The following RAC1 variants were observed in gnomAD, a reference collection of about 807,000 sequenced individuals.
RAC1 encodes the protein ras-related C3 botulinum toxin substrate 1.
RAC1 carries 2 observed loss-of-function variants against 25.2 expected under a neutral mutation model. That is an observed-to-expected ratio of 0.08 (90% CI 0.03 to 0.25). The LOEUF (loss-of-function observed/expected upper bound fraction) is 0.25, where lower values mean the gene tolerates loss of function less well. RAC1 is among the 10% of genes least tolerant of loss of function. The probability of loss-of-function intolerance (pLI) is 1.00; values close to 1 mark genes in which losing one functional copy is unlikely to be tolerated. For synonymous variants in RAC1, 88 were observed against 94.0 expected (o/e 0.94, Z 0.37); for missense variants, 50 against 235.7 (o/e 0.21, Z 5.16).
At chr7:6,390,321 C>T (rs771592626) in intron 2 of RAC1, among the ~76,000 whole-genome samples, 9 of 151,624 alleles carry the variant, frequency 5.9e-5, no homozygotes, top group Non-Finnish European at 8.8e-5. Flanking sequence ...TACCACCTTA[C>T]CCGGGCACGG....
At chr7:6,397,537 C>A (rs1390502934) in intron 3 of RAC1, among the ~76,000 whole-genome samples, 2 of 152,136 alleles carry the variant, frequency 1.3e-5, no homozygotes, top group Non-Finnish European at 2.9e-5. Context: ...TCGTGATCCA[C>A]CTGCCTCGGC....
At chr7:6,393,977 T>G (rs1399248499) in intron 3 of RAC1, among the ~76,000 whole-genome samples, 2 of 152,198 alleles carry the variant, frequency 1.3e-5, no homozygotes, top group Non-Finnish European at 2.9e-5. Flanking sequence ...GATCTGGTAG[T>G]AACATGCTGG....
intron 1 of RAC1, among the ~76,000 whole-genome samples, chr7:6,382,766 G>A (rs190648533): frequency 8.5e-5 from 13 of 152,332 alleles, no homozygotes; most frequent in Admixed American, 8.5e-4. Context: ...CCAGCTACTT[G>A]GGAGGCTGAG....
At position 6,377,681 on chromosome 7, in the gene RAC1, G is replaced by A. The variant is rs537493175; in HGVS notation, c.35+2911G>A. 6.6e-4 allele frequency among the ~76,000 whole-genome samples: 100 copies of A among 152,266 alleles called. 1 individual carries two copies. Among genetic ancestry groups the A allele is most frequent in the African/African-American group, 2.2e-3 (91 of 41,554 alleles). On this transcript the variant is annotated intron_variant, in intron 1 of 5. Coordinates refer to ENST00000348035, the MANE Select transcript of RAC1 (RefSeq NM_006908.5). ...TGTAATCCCAGCACTTTGGGAGGCC[G>A]AGGTGGGCGGTTCACCTGAGGTCAG...
chr7:6,381,804 A>T (rs1261763887), intron 1 of RAC1, among the ~76,000 whole-genome samples: 2 of 152,026 alleles, frequency 1.3e-5, no homozygotes, highest in African/African-American at 2.4e-5. Flanking sequence ...CTAGTGGTGT[A>T]TTTTTCTGGA....
intron 2 of RAC1, among the ~76,000 whole-genome samples, chr7:6,390,219 C>T (rs1283241597): frequency 6.7e-6 from 1 of 148,674 alleles, no homozygotes; most frequent in African/African-American, 2.5e-5. Context: ...CCTGATGGAA[C>T]GTTTTGTAAA....
chr7:6,389,478 G>A (rs1201839899), intron 2 of RAC1, among the ~76,000 whole-genome samples: 5 of 151,880 alleles, frequency 3.3e-5, no homozygotes, highest in Admixed American at 3.3e-4. Context: ...TAAGGAGTTT[G>A]AGACCAACTT....
intron 3 of RAC1, among the ~76,000 whole-genome samples, chr7:6,392,743 A>T (rs1156582183): frequency 6.6e-6 from 1 of 152,166 alleles, no homozygotes; most frequent in African/African-American, 2.4e-5. Flanking sequence ...ATCTTGTTAC[A>T]TGTTTGTTCT....
chr7:6,388,958 T>A (rs879802565), intron 2 of RAC1, among the ~76,000 whole-genome samples: 5 of 150,608 alleles, frequency 3.3e-5, no homozygotes, highest in Non-Finnish European at 5.9e-5. Context: ...CCCAGCACTT[T>A]GGGAGGCCAA....
intron 1 of RAC1, among the ~76,000 whole-genome samples, chr7:6,379,249 C>G (rs1471601245): frequency 1.3e-5 from 2 of 149,700 alleles, no homozygotes; most frequent in African/African-American, 4.9e-5. Context: ...CTACACGTGC[C>G]TGCTACCATG....
rs758838242 is a variant in RAC1 at position 6,384,488 on chromosome 7, T to G, written c.36-2724T>G. On this transcript the variant is annotated intron_variant, in intron 1 of 5. Transcript: ENST00000348035. ...CCCTATGCCACTGCCCACTTATTTT[T>G]TTATTGTTGAGATGGGATCGTGCTT... Among the ~76,000 whole-genome samples the G allele has an allele frequency of 4.6e-5, 7 of 152,180 alleles. 1 individual carries two copies. The highest frequency in any genetic ancestry group is 1.0e-4 in the Non-Finnish European group (7 of 68,034).
chr7:6,387,733 A>G (rs553105630), intron 2 of RAC1, among the ~76,000 whole-genome samples: 1 of 152,134 alleles, frequency 6.6e-6, no homozygotes, highest in South Asian at 2.1e-4. Flanking sequence ...CTCAAAAGAA[A>G]AAAAAAAAAG....
At chr7:6,399,616 A>G (rs887410403) in intron 3 of RAC1, among the ~76,000 whole-genome samples, 1 of 152,184 alleles carries the variant, frequency 6.6e-6, no homozygotes, top group South Asian at 2.1e-4. Context: ...TGAAGGTGCC[A>G]CTTACACACT....
At chr7:6,390,033 C>T (rs1447580505) in intron 2 of RAC1, among the ~76,000 whole-genome samples, 1 of 66,568 alleles carries the variant, frequency 1.5e-5, no homozygotes, top group Non-Finnish European at 3.4e-5. Context: ...CCTACTCCTT[C>T]CCTCCTTCCC....
At chr7:6,401,631 T>A (rs1783404450) in intron 4 of RAC1, 1 of 332,250 alleles carries the variant, frequency 3.0e-6, no homozygotes, top group Admixed American at 4.8e-5. Context: ...GAGCCCGTTC[T>A]GTCCGGTCGT....
chr7:6,392,091 C>G (rs189927515), intron 3 of RAC1, 50 bp downstream of exon 3: 3 of 1,609,486 alleles, frequency 1.9e-6, no homozygotes, highest in South Asian at 2.2e-5. Context: ...ATATAATTCT[C>G]GAGCGCTTAA....
Position 6,382,432 on chromosome 7 carries a change from GCTT to G in RAC1, c.36-4776_36-4774del, listed in dbSNP as rs1217046145. ...AGTGCAGAAAGTTGTTATTTTTTGA[GCTT>G]CTTGGATCTTTTATTTTTTTAACGT... On this transcript the variant is annotated intron_variant, in intron 1 of 5. Coordinates refer to ENST00000348035, the MANE Select transcript of RAC1 (RefSeq NM_006908.5). Among the ~76,000 whole-genome samples the G allele has an allele frequency of 2.6e-5, 4 of 152,280 alleles. No individual in the cohort carries two copies. In the South Asian group the frequency reaches 6.2e-4, roughly 24 times the overall value.
chr7:6,393,276 C>T (rs1264474900), intron 3 of RAC1, among the ~76,000 whole-genome samples: 1 of 152,202 alleles, frequency 6.6e-6, no homozygotes, highest in African/African-American at 2.4e-5. Flanking sequence ...AATTCAAATT[C>T]TTCAGTATCT....
At chr7:6,374,857 C>A (rs963600099) in intron 1 of RAC1, 87 bp downstream of exon 1, 2 of 1,005,790 alleles carry the variant, frequency 2.0e-6, no homozygotes, top group South Asian at 9.1e-5. Context: ...GGCAGGCCGG[C>A]GTCCGCCGCG....
Sources: gnomAD v4.1 joint callset for allele counts (sites outside exome capture counted in the v4.1 genomes callset) on GRCh38, gnomAD v4.1.1 for gene constraint, MANE v1.5 for transcripts, NCBI Gene and HGNC (gene_info 2026-07-23, HGNC 2026-07-21) for gene names.